Variants in ACSM2A observed in about 807,000 individuals in gnomAD.
ACSM2A encodes the protein acyl-coenzyme A synthetase ACSM2A, mitochondrial.
ACSM2A carries 72 observed loss-of-function variants against 76.6 expected under a neutral mutation model. The ratio of observed to expected loss-of-function variants is 0.94; its 90% CI spans 0.78 to 1.14. The LOEUF is 1.14. Among genes scored for constraint, ACSM2A ranks in the 50% most tolerant of loss-of-function variants. The pLI, the probability that ACSM2A is intolerant of heterozygous loss-of-function variation, is 0.00. For missense variants in ACSM2A, 684 were observed against 708.5 expected (o/e 0.97, Z 0.39); for synonymous variants, 249 against 255.9 (o/e 0.97, Z 0.26).
intron 6 of ACSM2A, among the ~76,000 whole-genome samples, chr16:20,472,869 C>T (rs548119675): frequency 2.0e-5 from 3 of 152,214 alleles, no homozygotes; most frequent in East Asian, 3.9e-4. Flanking sequence ...TAAAAATGTT[C>T]CCCCATCCTA....
intron 13 of ACSM2A, among the ~76,000 whole-genome samples, chr16:20,485,829 A>C (rs981469967): frequency 6.6e-6 from 1 of 152,238 alleles, no homozygotes; most frequent in African/African-American, 2.4e-5. Flanking sequence ...ATTCAAGACC[A>C]TCTAACACTT....
intron 1 of ACSM2A, among the ~76,000 whole-genome samples, chr16:20,458,227 G>A (rs1051385169): frequency 2.0e-5 from 3 of 150,612 alleles, no homozygotes; most frequent in Non-Finnish European, 4.4e-5. Flanking sequence ...TGACTATATT[G>A]CCAAAAGCAA....
chr16:20,463,252 G>T (rs1466265647), intron 2 of ACSM2A, among the ~76,000 whole-genome samples: 1 of 151,090 alleles, frequency 6.6e-6, no homozygotes, highest in African/African-American at 2.4e-5. Flanking sequence ...GAAATATCAG[G>T]CAAATCCAAC....
intron 10 of ACSM2A, among the ~76,000 whole-genome samples, chr16:20,479,855 C>A (rs995242837): frequency 1.1e-4 from 16 of 152,200 alleles, no homozygotes; most frequent in African/African-American, 3.6e-4. Context: ...GGTCTCAGTT[C>A]TACCTTCTGT....
chr16:20,485,815 A>T (rs185745014), intron 13 of ACSM2A, among the ~76,000 whole-genome samples: 308 of 152,312 alleles, frequency 2.0e-3, no homozygotes, highest in Non-Finnish European at 3.5e-3. Context: ...GTTAATTTTT[A>T]TTAATTCAAG....
At chr16:20,462,272 A>G (rs34015405) in intron 2 of ACSM2A, among the ~76,000 whole-genome samples, 10,912 of 152,154 alleles carry the variant, frequency 0.072, 582 homozygotes, top group East Asian at 0.19. Flanking sequence ...AGCAGAATTG[A>G]GACCCCTACC....
At chr16:20,471,356 G>C (rs1433174692) in intron 5 of ACSM2A, 140 bp downstream of exon 5, 7 of 1,496,744 alleles carry the variant, frequency 4.7e-6, no homozygotes, top group Non-Finnish European at 6.3e-6. Context: ...CAGGATGTGT[G>C]GATAGAACAA....
intron 5 of ACSM2A, 96 bp from the exon 6 acceptor site, chr16:20,471,440 C>T (rs188411074): frequency 1.3e-6 from 2 of 1,519,914 alleles, no homozygotes; most frequent in East Asian, 2.3e-5. Flanking sequence ...CACACCTCTG[C>T]ACACACACCT....
intron 1 of ACSM2A, among the ~76,000 whole-genome samples, chr16:20,458,914 A>AT: frequency 1.7e-5 from 1 of 59,236 alleles, no homozygotes; most frequent in South Asian, 6.5e-4. Flanking sequence ...GCATATATAT[A>AT]TATATATATA....
At chr16:20,477,702 C>G (rs2013833454) in intron 9 of ACSM2A, among the ~76,000 whole-genome samples, 1 of 152,160 alleles carries the variant, frequency 6.6e-6, no homozygotes, top group Admixed American at 6.5e-5. Flanking sequence ...AGACAGTACA[C>G]AAGTATATAT....
At chr16:20,468,083 G>C (rs1048528787) in intron 3 of ACSM2A, among the ~76,000 whole-genome samples, 1 of 152,138 alleles carries the variant, frequency 6.6e-6, no homozygotes, top group South Asian at 2.1e-4. Flanking sequence ...GAACTTGGAA[G>C]CCTGTGGAAA....
intron 2 of ACSM2A, among the ~76,000 whole-genome samples, chr16:20,464,174 A>T (rs1200986843): frequency 6.6e-6 from 1 of 152,204 alleles, no homozygotes; most frequent in Non-Finnish European, 1.5e-5. Flanking sequence ...AGTGCCTAAG[A>T]CGTTCCGAAC....
intron 2 of ACSM2A, among the ~76,000 whole-genome samples, chr16:20,462,664 G>A (rs1387382866): frequency 2.0e-5 from 3 of 152,048 alleles, no homozygotes. Flanking sequence ...TCTTTCAGGG[G>A]ATATGCGAAG....
intron 2 of ACSM2A, among the ~76,000 whole-genome samples, chr16:20,464,105 G>A (rs1021934345): frequency 2.6e-5 from 4 of 152,138 alleles, no homozygotes; most frequent in African/African-American, 7.2e-5. Flanking sequence ...TTGAAATCTG[G>A]TCAGCCTGCA....
intron 2 of ACSM2A, 58 bp downstream of exon 2, chr16:20,460,349 T>C: frequency 6.4e-7 from 1 of 1,565,612 alleles, no homozygotes; most frequent in South Asian, 1.2e-5. Context: ...TTAAAATTCA[T>C]CCATTAATTC....
At chr16:20,468,627 T>C (rs1481650763) in intron 3 of ACSM2A, among the ~76,000 whole-genome samples, 3 of 152,348 alleles carry the variant, frequency 2.0e-5, no homozygotes, top group East Asian at 1.9e-4. Context: ...CCCAAAATGC[T>C]AGGATTACAG....
chr16:20,456,541 C>G lies in ACSM2A; in HGVS notation c.-8-3566C>G, dbSNP rs904526891. On this transcript the variant is annotated intron_variant, in intron 1 of 13. Transcript: ENST00000573854. ...ATACGTGGAAATTAAATAACCTGTT[C>G]CTGAATGATCATTGGATCAACAATG... Among the ~76,000 whole-genome samples the G allele has an allele frequency of 4.6e-5, 7 of 151,860 alleles. No individual in the cohort carries two copies. In the East Asian group the frequency reaches 1.4e-3, roughly 29 times the overall value.
At chr16:20,478,736 A>T in intron 10 of ACSM2A, 59 bp downstream of exon 10, 4 of 1,546,246 alleles carry the variant, frequency 2.6e-6, no homozygotes, top group Non-Finnish European at 3.5e-6. Flanking sequence ...ACTAAACGGG[A>T]TGAGGGAGGA....
At chr16:20,484,669 A>G (rs1246243018) in intron 13 of ACSM2A, among the ~76,000 whole-genome samples, 3 of 150,250 alleles carry the variant, frequency 2.0e-5, no homozygotes, top group Non-Finnish European at 3.0e-5. Context: ...CTTAGTCTCA[A>G]TGGGAACTCC....
Sources: allele counts gnomAD v4.1 joint callset (sites outside exome capture counted in the v4.1 genomes callset), GRCh38; gene constraint gnomAD v4.1.1; transcripts MANE v1.5; gene names NCBI Gene and HGNC (gene_info 2026-07-23, HGNC 2026-07-21).